Variants in CKAP5 observed in about 807,000 individuals in gnomAD.
CKAP5 encodes the protein cytoskeleton-associated protein 5.
Under a neutral mutation model 232.8 loss-of-function variants are expected in CKAP5, and 27 were observed. The observed-to-expected ratio is 0.12, with a 90% CI of 0.09 to 0.16. The LOEUF (loss-of-function observed/expected upper bound fraction) is 0.16. Ranked by LOEUF, CKAP5 falls within the 10% of genes least tolerant of loss-of-function variation. The pLI is 1.00. For synonymous variants in CKAP5, 785 were observed against 841.1 expected, an observed-to-expected ratio of 0.93 and a Z score of 1.16; for missense variants, 1,838 against 2,424.7, an observed-to-expected ratio of 0.76 and a Z score of 5.08.
chr11:46,801,831 A>G (rs1326610595), intron 8 of CKAP5, among the ~76,000 whole-genome samples: 1 of 152,180 alleles, frequency 6.6e-6, no homozygotes, highest in Non-Finnish European at 1.5e-5. Flanking sequence ...CATAGATAAA[A>G]CCACAACATC....
intron 25 of CKAP5, among the ~76,000 whole-genome samples, chr11:46,770,462 T>C (rs1239613851): frequency 2.0e-5 from 3 of 152,204 alleles, no homozygotes; most frequent in Non-Finnish European, 2.9e-5. Flanking sequence ...ACAGAGTTTC[T>C]CTCTTGTTGC....
intron 2 of CKAP5, 151 bp from the exon 3 acceptor site, chr11:46,818,654 G>T: frequency 1.8e-6 from 1 of 564,360 alleles, no homozygotes; most frequent in Non-Finnish European, 2.8e-6. Flanking sequence ...TGAAAAAAGA[G>T]TTTAAGAAAT....
chr11:46,786,352 G>A (rs907345893), intron 16 of CKAP5, among the ~76,000 whole-genome samples: 1 of 152,180 alleles, frequency 6.6e-6, no homozygotes. Flanking sequence ...TGCAGCCACT[G>A]GCAGGTGGGG....
At chr11:46,831,360 C>T (rs1939787908) in intron 1 of CKAP5, among the ~76,000 whole-genome samples, 3 of 152,108 alleles carry the variant, frequency 2.0e-5, no homozygotes, top group Admixed American at 2.0e-4. Context: ...TCTGCCTATA[C>T]TCATCCCATA....
intron 18 of CKAP5, among the ~76,000 whole-genome samples, chr11:46,781,817 TA>T (rs899109550): frequency 5.9e-5 from 9 of 151,404 alleles, no homozygotes; most frequent in Non-Finnish European, 1.2e-4. Flanking sequence ...CATATATATG[TA>T]AAAAAAAATA....
intron 16 of CKAP5, among the ~76,000 whole-genome samples, chr11:46,787,660 A>G (rs61897304): frequency 0.15 from 22,583 of 152,190 alleles, 2,557 homozygotes; most frequent in African/African-American, 0.32. Flanking sequence ...TTGAATATGT[A>G]AAGATTGGAT....
chr11:46,784,802 G>C, intron 16 of CKAP5, 129 bp from the exon 17 acceptor site: 1 of 575,622 alleles, frequency 1.7e-6, no homozygotes, highest in Non-Finnish European at 2.9e-6. Flanking sequence ...GTAAAATCAG[G>C]ATTTTAAACA....
At chr11:46,767,939 C>T (rs1359107020) in intron 26 of CKAP5, among the ~76,000 whole-genome samples, 3 of 150,248 alleles carry the variant, frequency 2.0e-5, no homozygotes, top group Admixed American at 6.6e-5. Flanking sequence ...ACTACAGGCC[C>T]GTGCCACCGC....
chr11:46,811,624 G>A lies in CKAP5; in HGVS notation c.459-446C>T, dbSNP rs554137694. 3.3e-4 allele frequency among the ~76,000 whole-genome samples: 50 copies of A among 152,214 alleles called. 4 individuals carry two copies. In the East Asian group the frequency reaches 9.7e-3, roughly 29 times the overall value. On this transcript the variant is annotated intron_variant, in intron 4 of 43. Transcript: ENST00000529230. ...CCCAAGTAGCTGGGGTTACAGGCAT[G>A]CGCCACCACGCCCAGCAAATTTTTG... is the stretch of plus-strand genomic sequence containing the variant.
chr11:46,809,539 A>C (rs764930353), intron 6 of CKAP5, 39 bp from the exon 7 acceptor site: 2 of 1,506,168 alleles, frequency 1.3e-6, no homozygotes, highest in African/African-American at 2.8e-5. Flanking sequence ...AAAAATGCTT[A>C]GAATTGTTTT....
intron 42 of CKAP5, 40 bp downstream of exon 42, chr11:46,750,234 A>G (rs1446101069): frequency 6.3e-7 from 1 of 1,594,566 alleles, no homozygotes; most frequent in African/African-American, 1.4e-5. Context: ...GCTAGGAGCT[A>G]TTTTGAGCTT....
intron 15 of CKAP5, among the ~76,000 whole-genome samples, chr11:46,789,750 C>T (rs1273597957): frequency 1.3e-5 from 2 of 152,028 alleles, no homozygotes; most frequent in African/African-American, 2.4e-5. Flanking sequence ...GAGCCAAGAT[C>T]GCCCCACTGT....
intron 40 of CKAP5, 91 bp from the exon 41 acceptor site, chr11:46,750,702 A>T: frequency 9.9e-7 from 1 of 1,005,148 alleles, no homozygotes. Flanking sequence ...ATATCTCAAA[A>T]TCTGGGCCTT....
Position 46,765,265 on chromosome 11 carries a change from A to G in CKAP5, c.3412-9T>C. ...TTCTTCCCTTGTGCACTCTACAACC[A>G]AGGTTCAGGGAATACTGATTAGCTT... On this transcript the variant is annotated splice_polypyrimidine_tract_variant and intron_variant, in intron 27 of 43. Transcript: ENST00000529230. The G allele has an allele frequency of 6.2e-7, 1 of 1,604,936 alleles. No individual in the cohort carries two copies. Among genetic ancestry groups the G allele is most frequent in the South Asian group, 1.1e-5 (1 of 89,350 alleles).
At position 46,780,255 on chromosome 11, in the gene CKAP5, C is replaced by T. The variant is rs746516724; in HGVS notation, c.2372G>A (p.Arg791Gln). The change falls in exon 20 of 44, where the codon CGA becomes CAA. Residue 791 changes from arginine to glutamine, a missense_variant. Arg to Gln is a conservative substitution (Grantham distance 43). Around this residue, in one of 6 missense-constraint regions of CKAP5, gnomAD observed 767 missense variants for 954.6 expected, o/e 0.80. Coordinates refer to ENST00000529230, the MANE Select transcript of CKAP5 (RefSeq NM_001008938.4). ...VMYLYVGPSLRMFFEDEKPAL... is the reference protein window; with the variant it reads ...VMYLYVGPSLQMFFEDEKPAL... ...AGGCTTCTCATCCTCAAAGAACATT[C>T]GCAAAGAGGGACCAACATACAGATA... The T allele has an allele frequency of 4.3e-6, 7 of 1,613,866 alleles. No individual in the cohort carries two copies. In the African/African-American group the frequency reaches 5.3e-5, roughly 12 times the overall value.
At chr11:46,771,022 A>T (rs1592446327) in intron 24 of CKAP5, 40 bp from the exon 25 acceptor site, 2 of 1,543,698 alleles carry the variant, frequency 1.3e-6, no homozygotes, top group Non-Finnish European at 8.9e-7. Context: ...ACTTCAAATG[A>T]AGACTGTTAT....
At chr11:46,766,824 C>CA (rs2065205976) in intron 27 of CKAP5, among the ~76,000 whole-genome samples, 1 of 152,034 alleles carries the variant, frequency 6.6e-6, no homozygotes, top group Non-Finnish European at 1.5e-5. Flanking sequence ...TTAAATTGTC[C>CA]AACTCTCCAT....
chr11:46,806,898 A>C (rs1284602034), intron 8 of CKAP5, among the ~76,000 whole-genome samples: 2 of 152,102 alleles, frequency 1.3e-5, no homozygotes, highest in Non-Finnish European at 2.9e-5. Flanking sequence ...TAGCTTTTAC[A>C]CTATAAACAA....
chr11:46,778,966 C>CCA (rs1335570975), intron 20 of CKAP5, among the ~76,000 whole-genome samples: 1 of 151,874 alleles, frequency 6.6e-6, no homozygotes, highest in African/African-American at 2.4e-5. Context: ...TCCCAGCTTC[C>CCA]CAGCTGAGGA....
Sources: allele counts gnomAD v4.1 joint callset (sites outside exome capture counted in the v4.1 genomes callset), GRCh38; gene constraint gnomAD v4.1.1; regional missense constraint gnomAD v4.1.1; transcripts MANE v1.5; gene names NCBI Gene and HGNC (gene_info 2026-07-23, HGNC 2026-07-21).